MED29: variants seen among roughly 807,000 people sequenced by gnomAD.
MED29 encodes the protein mediator complex subunit 29.
MED29 carries 14 observed loss-of-function variants against 22.0 expected under a neutral mutation model. The observed-to-expected ratio is 0.64, with a 90% confidence interval of 0.42 to 0.99. The LOEUF is 0.99. Among genes scored for constraint, MED29 ranks in the 50% least tolerant of loss-of-function variants. The pLI, the probability that MED29 is intolerant of heterozygous loss-of-function variation, is 0.00. For missense variants in MED29, 241 were observed against 253.7 expected (o/e 0.95, Z 0.34); for synonymous variants, 123 against 107.8 (o/e 1.14, Z -0.87).
intron 2 of MED29, among the ~76,000 whole-genome samples, chr19:39,392,954 T>C (rs944429386): frequency 1.3e-5 from 2 of 152,066 alleles, no homozygotes. Flanking sequence ...CTTGCCACGT[T>C]GTCCAGGCTG....
rs185752989 is a variant in MED29, at chr19:39,399,608, C to T, written c.*1909C>T. 1 of 152,440 alleles carries T rather than the reference C, an allele frequency of 6.6e-6. No individual in the cohort carries two copies. Among genetic ancestry groups the T allele is most frequent in the Non-Finnish European group, 1.5e-5 (1 of 68,016 alleles). The allele number at this position is 152,440 out of a possible 1,614,324, so 9.4% of individuals were successfully genotyped here. A position where few individuals can be genotyped will look rare whatever the true frequency, so the allele number is the denominator to read the frequency against. ...ACACATCTCCTTAACCACACTTAAT[C>T]TCCAAATAAGTACGATAACATAGTC... On this transcript the variant is annotated 3_prime_UTR_variant, in exon 4 of 4. Transcript: ENST00000315588.
chr19:39,392,779 A>T (rs2078401027), intron 2 of MED29: 2 of 458,192 alleles, frequency 4.4e-6, no homozygotes, highest in African/African-American at 4.0e-5. Flanking sequence ...ACATGGCTAC[A>T]GACTACAGAT....
In MED29 at chr19:39,397,783, A is replaced by AG. The variant is rs1246782194; in HGVS notation, c.*85dup. Reference sequence around the variant, plus strand: ...AGAGCGTCCTGGGCCTAAACACAGCAGCCTCCTCTCTTCCTGCCTGAGCAC... The same window carrying AG: ...AGAGCGTCCTGGGCCTAAACACAGCAGGCCTCCTCTCTTCCTGCCTGAGCAC... On this transcript the variant is annotated 3_prime_UTR_variant, in exon 4 of 4. Coordinates refer to ENST00000315588, the MANE Select transcript of MED29 (RefSeq NM_017592.4). 2 of 1,523,400 alleles carry AG rather than the reference A, an allele frequency of 1.3e-6. No individual in the cohort carries two copies. Among genetic ancestry groups the AG allele is most frequent in the Admixed American group, 3.9e-5 (2 of 51,936 alleles). The allele number at this position is 1,523,400 out of a possible 1,614,324, so 94.4% of individuals were successfully genotyped here. A position where few individuals can be genotyped will look rare whatever the true frequency, so the allele number is the denominator to read the frequency against.
rs891295381 is a variant in MED29, at chr19:39,397,866, C to T, written c.*167C>T. 8.9e-7 allele frequency: 1 copy of T among 1,125,926 alleles called. No homozygotes were observed. The highest frequency in any genetic ancestry group is 1.6e-5 in the African/African-American group (1 of 64,224). 69.7% of individuals were successfully genotyped at this position (1,125,926 alleles called of 1,614,324 possible). ...CAACAGGGAGCTCGCAGGCCGGGCC[C>T]CTGCGTCCCTGCCCCTTCTTCCTGC... is the stretch of plus-strand genomic sequence containing the variant. On this transcript the variant is annotated 3_prime_UTR_variant, in exon 4 of 4. Coordinates refer to ENST00000315588, the MANE Select transcript of MED29 (RefSeq NM_017592.4).
In MED29 at chr19:39,397,770, G is replaced by A. The variant is rs756019190; in HGVS notation, c.*71G>A. The A allele has an allele frequency of 6.4e-7, 1 of 1,551,284 alleles. No individual in the cohort carries two copies. Among genetic ancestry groups the A allele is most frequent in the Admixed American group, 1.8e-5 (1 of 54,958 alleles). On this transcript the variant is annotated 3_prime_UTR_variant, in exon 4 of 4. Coordinates refer to ENST00000315588, the MANE Select transcript of MED29 (RefSeq NM_017592.4). ...GCAAAGGGAATGAAGAGCGTCCTGG[G>A]CCTAAACACAGCAGCCTCCTCTCTT...
At position 39,397,688 on chromosome 19, in the gene MED29, G is replaced by A. The variant is rs2078436666; in HGVS notation, c.592G>A (p.Gly198Ser). ...KTPAPPAGPG[G>S]TL Reference sequence around the variant, plus strand: ...ACCCGCACCACCTGCTGGCCCTGGGGGCACTCTGTGAAGTGGGGGACAGGG... The same window carrying A: ...ACCCGCACCACCTGCTGGCCCTGGGAGCACTCTGTGAAGTGGGGGACAGGG... Residue 198 changes from glycine to serine, a missense_variant, in exon 4 of 4, where the codon GGC (glycine) becomes AGC (serine). Transcript: ENST00000315588. 3.1e-6 allele frequency: 5 copies of A among 1,609,088 alleles called. No individual in the cohort carries two copies. The highest frequency in any genetic ancestry group is 3.3e-4 in the Middle Eastern group (2 of 6,060).
rs890777700 is a variant in MED29, at chr19:39,393,468, C to T, written c.276-85C>T. On this transcript the variant is annotated intron_variant, in intron 2 of 3. Coordinates refer to ENST00000315588, the MANE Select transcript of MED29 (RefSeq NM_017592.4). ...GATCTCCTGGACCTGTACCTGGTTT[C>T]CTGATGGACACTTGGTTGGGTAGAT... 4.0e-6 allele frequency: 5 copies of T among 1,253,316 alleles called. No individual in the cohort carries two copies. In the African/African-American group the frequency reaches 5.9e-5, roughly 15 times the overall value. 77.6% of individuals were successfully genotyped at this position (1,253,316 alleles called of 1,614,324 possible). A position where few individuals can be genotyped will look rare whatever the true frequency, so the allele number is the denominator to read the frequency against.
At chr19:39,394,315 G>A (rs1438667365) in intron 3 of MED29, among the ~76,000 whole-genome samples, 3 of 152,152 alleles carry the variant, frequency 2.0e-5, no homozygotes, top group East Asian at 1.9e-4. Flanking sequence ...AGGCTGGAGT[G>A]CAGTGGCACG....
rs1313018157 is a variant in MED29, at chr19:39,393,626, G to C, written c.349G>C (p.Glu117Gln). 2 of 1,614,090 alleles carry C rather than the reference G, an allele frequency of 1.2e-6. No individual in the cohort carries two copies. Among genetic ancestry groups the C allele is most frequent in the Non-Finnish European group, 1.7e-6 (2 of 1,179,948 alleles). Residue 117 changes from glutamate (E) to glutamine (Q), a missense_variant, in exon 3 of 4, where the codon GAG becomes CAG. Physicochemically the swap from Glu to Gln is conservative, Grantham distance 29. Coordinates refer to ENST00000315588, the MANE Select transcript of MED29 (RefSeq NM_017592.4). ...GTTCTATGCACTCTGTGACCAGCTG[G>C]AGCTGTGCCTGGTAAGAAGCCTTCT... ...EEFYALCDQL[E>Q]LCLRLAHECL...
At chr19:39,393,081 C>CTTTTTTTTTTTTTTTTTTT (rs142198224) in intron 2 of MED29, among the ~76,000 whole-genome samples, 5 of 34,730 alleles carry the variant, frequency 1.4e-4, no homozygotes, top group Non-Finnish European at 2.2e-4. Context: ...TCTTTCTTTT[C>CTTTTTTTTTTTTTTTTTTT]TTTTTTTTTT....
chr19:39,393,700 A>ACAGT (rs763485110), intron 3 of MED29, 63 bp downstream of exon 3: 3 of 1,401,350 alleles, frequency 2.1e-6, no homozygotes, highest in African/African-American at 2.8e-5. Context: ...GTCTTCAGAA[A>ACAGT]CAGTCAGTCA....
intron 1 of MED29, 28 bp downstream of exon 1, chr19:39,391,666 A>G (rs780689005): frequency 1.9e-6 from 3 of 1,549,338 alleles, no homozygotes; most frequent in South Asian, 2.4e-5. Flanking sequence ...GCGAGAAGCA[A>G]ACTGGATTTG....
rs954324568 is a variant in MED29, at chr19:39,397,752, G to C, written c.*53G>C. 23 of 1,581,026 alleles carry C rather than the reference G, an allele frequency of 1.5e-5. No homozygotes were observed. The highest frequency in any genetic ancestry group is 6.9e-5 in the Admixed American group (4 of 58,140). The stretch of plus-strand genomic sequence containing the variant: ...GTGGTTGGTGGGTGGTGTGCAAAGG[G>C]AATGAAGAGCGTCCTGGGCCTAAAC... On this transcript the variant is annotated 3_prime_UTR_variant, in exon 4 of 4. Transcript: ENST00000315588.
At position 39,392,499 on chromosome 19, in the gene MED29, G is replaced by A. The variant is rs751264381; in HGVS notation, c.252G>A (p.Gln84=). ...LMKVAAQNLI[Q]NTNIDNGQKS... is the part of the protein sequence containing the mutation. The stretch of plus-strand genomic sequence containing the variant: ...AGGTTGCGGCCCAAAACTTGATTCA[G>A]AACACTAACATCGACAATGGACAGT... The change falls in exon 2 of 4, where the codon CAG becomes CAA. Residue 84 remains glutamine, a synonymous_variant. Transcript: ENST00000315588. The A allele has an allele frequency of 6.2e-7, 1 of 1,613,934 alleles. No individual in the cohort carries two copies. The highest frequency in any genetic ancestry group is 8.5e-7 in the Non-Finnish European group (1 of 1,179,992).
chr19:39,397,789 C>G lies in MED29; in HGVS notation c.*90C>G. The G allele has an allele frequency of 2.0e-6, 3 of 1,512,068 alleles. No individual in the cohort carries two copies. The highest frequency in any genetic ancestry group is 2.7e-6 in the Non-Finnish European group (3 of 1,129,602). 93.7% of individuals were successfully genotyped at this position (1,512,068 alleles called of 1,614,324 possible). ...TCCTGGGCCTAAACACAGCAGCCTC[C>G]TCTCTTCCTGCCTGAGCACCGCAGC... On this transcript the variant is annotated 3_prime_UTR_variant, in exon 4 of 4. Coordinates refer to ENST00000315588, the MANE Select transcript of MED29 (RefSeq NM_017592.4).
rs1349073937 is a variant in MED29, at chr19:39,391,443, A to G, written c.21A>G (p.Gln7=). 1 of 1,613,274 alleles carries G rather than the reference A, an allele frequency of 6.2e-7. No homozygotes were observed. The highest frequency in any genetic ancestry group is 1.1e-5 in the South Asian group (1 of 91,066). MAASQQ[Q]ASAASSAAGV... The stretch of plus-strand genomic sequence containing the variant: ...GGAAGATGGCTGCATCCCAGCAGCA[A>G]GCTTCAGCGGCTTCCTCAGCTGCTG... Residue 7 remains glutamine, a synonymous_variant, in exon 1 of 4, where the codon CAA becomes CAG. Coordinates refer to ENST00000315588, the MANE Select transcript of MED29 (RefSeq NM_017592.4).
At chr19:39,394,713 A>G (rs2078419092) in intron 3 of MED29, among the ~76,000 whole-genome samples, 1 of 148,522 alleles carries the variant, frequency 6.7e-6, no homozygotes, top group Non-Finnish European at 1.5e-5. Context: ...ACAGGCACGC[A>G]CCACCACGCC....
At chr19:39,394,224 A>G (rs1250122973) in intron 3 of MED29, among the ~76,000 whole-genome samples, 1 of 151,634 alleles carries the variant, frequency 6.6e-6, no homozygotes, top group African/African-American at 2.4e-5. Context: ...CATATGGCAA[A>G]TGTGTACTGT....
In MED29 at chr19:39,397,915, C is replaced by T; in HGVS notation, c.*216C>T. 2 of 742,092 alleles carry T rather than the reference C, an allele frequency of 2.7e-6. No individual in the cohort carries two copies. The highest frequency in any genetic ancestry group is 7.2e-4 in the Middle Eastern group (2 of 2,782). The allele number at this position is 742,092 out of a possible 1,614,324, so 46.0% of individuals were successfully genotyped here. ...GCTCCCCCTCCTAGCCTAGGGTAGA[C>T]TTTGAACTGTGTGTGTTGATGACTT... On this transcript the variant is annotated 3_prime_UTR_variant, in exon 4 of 4. Coordinates refer to ENST00000315588, the MANE Select transcript of MED29 (RefSeq NM_017592.4).
Sources: allele counts gnomAD v4.1 joint callset (sites outside exome capture counted in the v4.1 genomes callset), GRCh38; gene constraint gnomAD v4.1.1; transcripts MANE v1.5; gene names NCBI Gene and HGNC (gene_info 2026-07-23, HGNC 2026-07-21).